POC1B: variants seen among roughly 807,000 people sequenced by gnomAD.
The protein encoded by POC1B is POC1 centriolar protein homolog B.
A neutral mutation model predicts 60.6 loss-of-function variants in POC1B; 44 were observed. The ratio of observed to expected loss-of-function variants is 0.73; its 90% CI spans 0.57 to 0.93. POC1B has a LOEUF of 0.93. POC1B is among the 40% of genes least tolerant of loss of function. POC1B has a pLI of 0.00. For missense variants in POC1B, 555 were observed against 572.3 expected (o/e 0.97, Z 0.31); for synonymous variants, 180 against 198.9 (o/e 0.90, Z 0.80).
At chr12:89,426,970 C>A (rs1247645914) in intron 10 of POC1B, 1 of 152,066 alleles carries the variant, frequency 6.6e-6, no homozygotes, top group East Asian at 1.9e-4. Flanking sequence ...GATGGCAATA[C>A]TCCCCACATT....
At chr12:89,492,233 A>T in intron 3 of POC1B, 118 bp from the exon 4 acceptor site, 2 of 806,312 alleles carry the variant, frequency 2.5e-6, no homozygotes, top group Non-Finnish European at 3.5e-6. Context: ...TAACTCTTGT[A>T]AAACCTAACA....
chr12:89,441,290 A>C (rs1881505749), intron 10 of POC1B, among the ~76,000 whole-genome samples: 1 of 152,200 alleles, frequency 6.6e-6, no homozygotes, highest in Admixed American at 6.5e-5. Context: ...ACAGAGTTTG[A>C]GATCTGAGAA....
intron 2 of POC1B, chr12:89,501,107 C>CT: frequency 7.9e-7 from 1 of 1,258,374 alleles, no homozygotes; most frequent in Non-Finnish European, 1.2e-6. Flanking sequence ...ATATCCCCGG[C>CT]TGAGAGCACT....
At chr12:89,414,173 G>A in the POC1B span, among the ~76,000 whole-genome samples, 1 of 152,172 alleles carries the variant, frequency 6.6e-6, no homozygotes, top group African/African-American at 2.4e-5. Flanking sequence ...GCTTACAGGT[G>A]TGAGCCACCA....
At chr12:89,487,843 T>C (rs1868721712) in intron 4 of POC1B, among the ~76,000 whole-genome samples, 1 of 152,188 alleles carries the variant, frequency 6.6e-6, no homozygotes, top group Non-Finnish European at 1.5e-5. Flanking sequence ...TCTTGACTTT[T>C]CCTCACACAA....
At chr12:89,517,811 T>C (rs958911618) in intron 2 of POC1B, among the ~76,000 whole-genome samples, 7 of 152,196 alleles carry the variant, frequency 4.6e-5, no homozygotes, top group African/African-American at 1.7e-4. Flanking sequence ...TCTTCCCCTC[T>C]GTATGTATAC....
At chr12:89,491,892 GA>G in intron 4 of POC1B, 43 bp downstream of exon 4, 1 of 1,419,726 alleles carries the variant, frequency 7.0e-7, no homozygotes, top group Non-Finnish European at 9.3e-7. Flanking sequence ...ACATGAAGCA[GA>G]AAAAATATGT....
chr12:89,413,128 A>C, the POC1B span, among the ~76,000 whole-genome samples: 1 of 152,136 alleles, frequency 6.6e-6, no homozygotes, highest in South Asian at 2.1e-4. Flanking sequence ...CAAATTCCTT[A>C]TCTCACGTGA....
intron 9 of POC1B, among the ~76,000 whole-genome samples, chr12:89,462,555 G>A (rs2120814640): frequency 6.6e-6 from 1 of 152,260 alleles, no homozygotes; most frequent in South Asian, 2.1e-4. Flanking sequence ...AGCTTCTAAA[G>A]AGCAAGGAGT....
intron 4 of POC1B, among the ~76,000 whole-genome samples, chr12:89,478,315 C>CG (rs1255868110): frequency 1.3e-4 from 20 of 152,140 alleles, no homozygotes; most frequent in African/African-American, 4.8e-4. Flanking sequence ...GATGGGGTTT[C>CG]GCCATGTTGG....
chr12:89,494,241 G>T (rs1455496153), intron 3 of POC1B, among the ~76,000 whole-genome samples: 1 of 151,950 alleles, frequency 6.6e-6, no homozygotes, highest in African/African-American at 2.4e-5. Flanking sequence ...TATAGAGACA[G>T]GGTCTCGCTA....
chr12:89,410,848 C>T, the POC1B span, among the ~76,000 whole-genome samples: 1 of 152,174 alleles, frequency 6.6e-6, no homozygotes, highest in Non-Finnish European at 1.5e-5. Context: ...TTGCAGATGA[C>T]ATGATTGTAT....
At chr12:89,470,316 T>C (rs1882839150) in intron 7 of POC1B, 45 bp downstream of exon 7, 2 of 1,049,616 alleles carry the variant, frequency 1.9e-6, no homozygotes, top group Non-Finnish European at 1.2e-6. Flanking sequence ...ATATATATTA[T>C]TTTATATTTT....
rs374035271 is a variant in POC1B at position 89,524,986 on chromosome 12, C to A, written c.100+134G>T. The stretch of plus-strand genomic sequence containing the variant: ...TAGCTGCGCCCCGCCGCGCTGGGCC[C>A]TCGTCTCCGGGTGCTCTCAACCCTC... On this transcript the variant is annotated intron_variant, in intron 2 of 11. Coordinates refer to ENST00000313546, the MANE Select transcript of POC1B (RefSeq NM_172240.3). 36 of 1,363,982 alleles carry A rather than the reference C, an allele frequency of 2.6e-5. 1 individual carries two copies. In the East Asian group the frequency reaches 4.3e-4, roughly 16 times the overall value. The allele number at this position is 1,363,982 out of a possible 1,614,324, so 84.5% of individuals were successfully genotyped here. A position where few individuals can be genotyped will look rare whatever the true frequency, so the allele number is the denominator to read the frequency against.
At chr12:89,507,266 CAAAAAAAAAAAAAAA>C (rs34750133) in intron 2 of POC1B, among the ~76,000 whole-genome samples, 1 of 64,054 alleles carries the variant, frequency 1.6e-5, no homozygotes, top group Admixed American at 2.4e-4. Context: ...GGCCCTGTCT[CAAAAAAAAAAAAAAA>C]AAAAAAAAAA....
chr12:89,497,159 T>G lies in POC1B; in HGVS notation c.272+12A>C, dbSNP rs529780316. 1 of 1,609,294 alleles carries G rather than the reference T, an allele frequency of 6.2e-7. No individual in the cohort carries two copies. Among genetic ancestry groups the G allele is most frequent in the East Asian group, 2.2e-5 (1 of 44,826 alleles). ...ATCCAAAGGATATCAAGTGTTTCTT[T>G]GTTTCTCTTACTTATCAGGAATCCA... On this transcript the variant is annotated intron_variant, in intron 3 of 11. Coordinates refer to ENST00000313546, the MANE Select transcript of POC1B (RefSeq NM_172240.3).
intron 10 of POC1B, among the ~76,000 whole-genome samples, chr12:89,450,368 C>T (rs1202671462): frequency 6.6e-6 from 1 of 152,076 alleles, no homozygotes; most frequent in African/African-American, 2.4e-5. Flanking sequence ...CCACCATGCC[C>T]AGCTAACTTT....
intron 9 of POC1B, among the ~76,000 whole-genome samples, chr12:89,463,086 A>G (rs1253218084): frequency 2.0e-5 from 3 of 152,194 alleles, no homozygotes; most frequent in Admixed American, 2.0e-4. Context: ...TCAACAATGA[A>G]TCATGGTCAG....
chr12:89,409,763 C>T, the POC1B span, among the ~76,000 whole-genome samples: 7 of 152,054 alleles, frequency 4.6e-5, no homozygotes, highest in African/African-American at 1.7e-4. Context: ...ATGAAGAAGT[C>T]GAATACCTGA....
Sources: gnomAD v4.1 joint callset for allele counts (sites outside exome capture counted in the v4.1 genomes callset) on GRCh38, gnomAD v4.1.1 for gene constraint, MANE v1.5 for transcripts, NCBI Gene and HGNC (gene_info 2026-07-23, HGNC 2026-07-21) for gene names.